The following DNAJB6 variants were observed in gnomAD, a reference collection of about 807,000 sequenced individuals.
DNAJB6 encodes dnaJ homolog subfamily B member 6.
Under a neutral mutation model 42.7 loss-of-function variants are expected in DNAJB6, and 16 were observed. That is an observed-to-expected ratio of 0.37 (90% CI 0.25 to 0.57). The LOEUF is 0.57. Among genes scored for constraint, DNAJB6 ranks in the 20% least tolerant of loss-of-function variants. DNAJB6 has a pLI of 0.74. For synonymous variants in DNAJB6, 170 were observed against 163.5 expected (o/e 1.04, Z -0.30); for missense variants, 347 against 416.8 (o/e 0.83, Z 1.46).
intron 8 of DNAJB6, among the ~76,000 whole-genome samples, chr7:157,401,301 C>T (rs887209473): frequency 2.6e-5 from 4 of 152,156 alleles, no homozygotes; most frequent in Admixed American, 1.3e-4. Context: ...TCACCGCTAC[C>T]TCCACCTCCT....
intron 1 of DNAJB6, among the ~76,000 whole-genome samples, chr7:157,339,657 T>G (rs1369812909): frequency 1.4e-5 from 2 of 141,468 alleles, no homozygotes; most frequent in East Asian, 2.0e-4. Flanking sequence ...GAGATGGAGT[T>G]TAGCTCTTGC....
At position 157,339,849 on chromosome 7, in the gene DNAJB6, A is replaced by G. The variant is rs534831523; in HGVS notation, c.-27+2705A>G. 26 of 151,692 alleles carry G rather than the reference A, an allele frequency of 1.7e-4. No individual in the cohort carries two copies. In the South Asian group the frequency reaches 3.3e-3, roughly 19 times the overall value. The allele number at this position is 151,692 out of a possible 1,614,324, so 9.4% of individuals were successfully genotyped here. ...ACTATGTTGTTCAGGCTGGTCTCGA[A>G]CTCCTGACCTCAGGTGATCCACCCG... On this transcript the variant is annotated intron_variant, in intron 1 of 9. Transcript: ENST00000262177.
chr7:157,415,876 G>C, intron 9 of DNAJB6, 140 bp from the exon 10 acceptor site: 9 of 1,494,014 alleles, frequency 6.0e-6, no homozygotes, highest in Non-Finnish European at 8.2e-6. Context: ...CCGTTTTGAG[G>C]TTTAGCTGTG....
At position 157,358,624 on chromosome 7, in the gene DNAJB6, G is replaced by T. The variant is rs200906900; in HGVS notation, c.52G>T (p.Asp18Tyr). ...CGTGCAGAGACATGCCTCACCCGAG[G>T]ATATTAAAAAGGCGTAAGTAGTTTT... ...LGVQRHASPE[D>Y]IKKAYRKLAL... The change falls in exon 2 of 10, where the codon GAT (aspartate) becomes TAT (tyrosine). Residue 18 changes from aspartate to tyrosine, a missense_variant. Coordinates refer to ENST00000262177, the MANE Select transcript of DNAJB6 (RefSeq NM_058246.4). The T allele has an allele frequency of 6.2e-7, 1 of 1,613,120 alleles. No homozygotes were observed. Among genetic ancestry groups the T allele is most frequent in the East Asian group, 2.2e-5 (1 of 44,874 alleles).
chr7:157,344,611 T>TA (rs558630436), intron 1 of DNAJB6, among the ~76,000 whole-genome samples: 3 of 152,014 alleles, frequency 2.0e-5, no homozygotes, highest in Admixed American at 6.6e-5. Context: ...ATTTTTTATT[T>TA]AAAAAAAAAT....
Position 157,384,845 on chromosome 7 carries a change from TTTC to T in DNAJB6, c.479-19_479-17del, listed in dbSNP as rs775340607. 1.9e-6 allele frequency: 3 copies of T among 1,603,434 alleles called. No homozygotes were observed. The South Asian group carries it at 3.4e-5, about 18-fold the overall frequency. On this transcript the variant is annotated intron_variant, in intron 6 of 9. Coordinates refer to ENST00000262177, the MANE Select transcript of DNAJB6 (RefSeq NM_058246.4). ...TAGTTGACATATTTCTTTAAGCATT[TTTC>T]TTTTCTGTTTTCCTGTAGGATTTAC... is the stretch of plus-strand genomic sequence containing the variant.
intron 8 of DNAJB6, among the ~76,000 whole-genome samples, chr7:157,391,632 G>A (rs752585527): frequency 1.4e-4 from 22 of 152,100 alleles, no homozygotes; most frequent in Non-Finnish European, 2.9e-4. Flanking sequence ...CGGATGCCTG[G>A]TGGCAGCACC....
intron 8 of DNAJB6, among the ~76,000 whole-genome samples, chr7:157,407,099 TG>T (rs775779480): frequency 2.6e-5 from 4 of 151,624 alleles, no homozygotes; most frequent in Middle Eastern, 3.4e-3. Flanking sequence ...AGCTGGGAGG[TG>T]GGGGGGGTCC....
At chr7:157,337,591 C>A (rs1351965143) in intron 1 of DNAJB6, 1 of 151,730 alleles carries the variant, frequency 6.6e-6, no homozygotes, top group East Asian at 1.9e-4. Flanking sequence ...GCAGGAATGC[C>A]GCAGCCGTGC....
At chr7:157,375,258 T>C (rs1172933363) in intron 5 of DNAJB6, among the ~76,000 whole-genome samples, 1 of 152,192 alleles carries the variant, frequency 6.6e-6, no homozygotes, top group Non-Finnish European at 1.5e-5. Flanking sequence ...GAAAAGAGCC[T>C]GGAGCCTGCT....
Position 157,406,945 on chromosome 7 carries a change from G to A in DNAJB6, c.692-2850G>A, listed in dbSNP as rs117967919. On this transcript the variant is annotated intron_variant, in intron 8 of 9. Transcript: ENST00000262177. ...TGGGAGGAGGCTGGGCTTTGAGGGC[G>A]GGAAGCCCTGGTCGAGGCTGGACCC... Among the ~76,000 whole-genome samples the A allele has an allele frequency of 3.4e-3, 512 of 152,324 alleles. 5 individuals carry two copies. In the East Asian group the frequency reaches 0.034, roughly 10 times the overall value.
At chr7:157,358,477 G>C in intron 1 of DNAJB6, 70 bp from the exon 2 acceptor site, 3 of 1,009,266 alleles carry the variant, frequency 3.0e-6, no homozygotes, top group Non-Finnish European at 3.1e-6. Flanking sequence ...TCCCTCTCCA[G>C]ACCCATCCCA....
intron 2 of DNAJB6, among the ~76,000 whole-genome samples, chr7:157,360,543 A>G (rs1799531425): frequency 6.6e-6 from 1 of 152,206 alleles, no homozygotes. Context: ...TGTTTCTGAG[A>G]ACATACAGGT....
At position 157,382,316 on chromosome 7, in the gene DNAJB6, G is replaced by C; in HGVS notation, c.417G>C (p.Ser139=). 6.2e-7 allele frequency: 1 copy of C among 1,612,040 alleles called. No individual in the cohort carries two copies. The highest frequency in any genetic ancestry group is 8.5e-7 in the Non-Finnish European group (1 of 1,179,744). ...PRGSRSRGTG[S]FFSAFSGFPS... ...GAAGCAGAAGCCGAGGGACGGGGTC[G>C]TTTTTCTCTGCGTTCAGTGGATTTC... Residue 139 remains serine, a synonymous_variant, in exon 6 of 10, where the codon TCG becomes TCC. Coordinates refer to ENST00000262177, the MANE Select transcript of DNAJB6 (RefSeq NM_058246.4).
At chr7:157,367,229 G>A in intron 4 of DNAJB6, 144 bp from the exon 5 acceptor site, 1 of 623,080 alleles carries the variant, frequency 1.6e-6, no homozygotes, top group Admixed American at 2.6e-5. Context: ...CAGGGCTCAT[G>A]TTTTGAATTA....
chr7:157,342,602 G>A (rs1222050060), intron 1 of DNAJB6, among the ~76,000 whole-genome samples: 2 of 152,122 alleles, frequency 1.3e-5, no homozygotes, highest in Non-Finnish European at 2.9e-5. Flanking sequence ...GATTACAGGC[G>A]TGAGCCAGCG....
chr7:157,381,376 C>G (rs1254628319), intron 5 of DNAJB6: 1 of 151,986 alleles, frequency 6.6e-6, no homozygotes, highest in African/African-American at 2.4e-5. Flanking sequence ...TCCCATTTTT[C>G]TGAAAAAATT....
chr7:157,372,653 G>A (rs538644379), intron 5 of DNAJB6, among the ~76,000 whole-genome samples: 4 of 152,226 alleles, frequency 2.6e-5, no homozygotes, highest in Admixed American at 2.6e-4. Context: ...CACAGGCCGG[G>A]CGTCTCGTAG....
intron 8 of DNAJB6, among the ~76,000 whole-genome samples, chr7:157,401,718 G>A (rs541758735): frequency 2.0e-5 from 3 of 152,180 alleles, no homozygotes; most frequent in African/African-American, 4.8e-5. Context: ...GAGCTGTGAC[G>A]TGAAGCATTA....
Sources: gnomAD v4.1 joint callset for allele counts (sites outside exome capture counted in the v4.1 genomes callset) on GRCh38, gnomAD v4.1.1 for gene constraint, MANE v1.5 for transcripts, NCBI Gene and HGNC (gene_info 2026-07-23, HGNC 2026-07-21) for gene names.